AGBL1: variants seen among roughly 807,000 people sequenced by gnomAD.
AGBL1 encodes AGBL carboxypeptidase 1.
In AGBL1, 130 loss-of-function variants were observed where a neutral mutation model predicts 118.9. The ratio of observed to expected loss-of-function variants is 1.09; its 90% CI spans 0.95 to 1.26. AGBL1 has a LOEUF of 1.26. AGBL1 is among the 50% of genes most tolerant of loss of function. The pLI is 0.00. For synonymous variants in AGBL1, 555 were observed against 478.9 expected, an observed-to-expected ratio of 1.16 and a Z score of -2.08; for missense variants, 1,584 against 1,298.1, an observed-to-expected ratio of 1.22 and a Z score of -3.38.
At chr15:86,988,452 C>T (rs2081306021) in intron 24 of AGBL1, 1 of 165,380 alleles carries the variant, frequency 6.0e-6, no homozygotes, top group African/African-American at 2.4e-5. Context: ...TGTTTCTTTT[C>T]TTTAAAATAC....
At chr15:86,184,292 G>A (rs1320252637) in intron 5 of AGBL1, among the ~76,000 whole-genome samples, 1 of 152,136 alleles carries the variant, frequency 6.6e-6, no homozygotes, top group Non-Finnish European at 1.5e-5. Context: ...TGAGTTCATT[G>A]AGTAATTAGT....
rs184910999 is a variant in AGBL1, at chr15:86,329,521, C to G, written c.2374+34113C>G. 3.5e-4 allele frequency among the ~76,000 whole-genome samples: 53 copies of G among 152,296 alleles called. 2 individuals carry two copies. Among genetic ancestry groups the G allele is most frequent in the African/African-American group, 1.2e-3 (48 of 41,568 alleles). ...CACCTCACCCTTCCTGTGCAAAGATCCTAGTGTAGCAAAGCCCTCTCCACT... is the reference window on the plus strand; with the variant it reads ...CACCTCACCCTTCCTGTGCAAAGATGCTAGTGTAGCAAAGCCCTCTCCACT... On this transcript the variant is annotated intron_variant, in intron 17 of 22. Transcript: ENST00000614907.
intron 23 of AGBL1, among the ~76,000 whole-genome samples, chr15:86,984,236 T>C (rs2081258009): frequency 6.6e-6 from 1 of 152,218 alleles, no homozygotes; most frequent in Admixed American, 6.5e-5. Context: ...TGGACATTTC[T>C]TGAGGACTAA....
At chr15:86,801,911 A>T (rs1375524489) in intron 22 of AGBL1, among the ~76,000 whole-genome samples, 1 of 152,164 alleles carries the variant, frequency 6.6e-6, no homozygotes, top group Non-Finnish European at 1.5e-5. Context: ...GGGAGTCAGA[A>T]TCTGGTCAGT....
chr15:86,200,549 T>TCC (rs1567121519), intron 5 of AGBL1, among the ~76,000 whole-genome samples: 24 of 31,970 alleles, frequency 7.5e-4, no homozygotes, highest in Non-Finnish European at 1.2e-3. Context: ...AATAGACCCC[T>TCC]ACCCCCCCCC....
intron 22 of AGBL1, among the ~76,000 whole-genome samples, chr15:86,833,771 C>T (rs2079137373): frequency 6.6e-6 from 1 of 152,100 alleles, no homozygotes; most frequent in Non-Finnish European, 1.5e-5. Flanking sequence ...CCAGAATCAA[C>T]AAGAGTACAT....
chr15:86,391,017 T>TAA (rs985288925), intron 17 of AGBL1, among the ~76,000 whole-genome samples: 7,732 of 120,948 alleles, frequency 0.064, 471 homozygotes, highest in African/African-American at 0.17. Flanking sequence ...ACTATGGTGA[T>TAA]AAAAAAAAAA....
At chr15:86,661,405 G>C (rs747041830) in intron 21 of AGBL1, among the ~76,000 whole-genome samples, 3 of 151,924 alleles carry the variant, frequency 2.0e-5, no homozygotes, top group Non-Finnish European at 4.4e-5. Context: ...ACAGAGTCAT[G>C]TACATAGTAA....
intron 18 of AGBL1, among the ~76,000 whole-genome samples, chr15:86,520,441 T>G (rs769332892): frequency 2.0e-5 from 3 of 152,206 alleles, no homozygotes; most frequent in Admixed American, 1.3e-4. Context: ...TAGGTCTTAT[T>G]CAAATTTGGG....
chr15:86,925,442 G>T (rs1236732954), intron 23 of AGBL1, among the ~76,000 whole-genome samples: 1 of 152,112 alleles, frequency 6.6e-6, no homozygotes, highest in Non-Finnish European at 1.5e-5. Flanking sequence ...TTTCCTTCAA[G>T]AAAATATGAT....
chr15:86,641,323 C>G (rs1056527252), intron 21 of AGBL1, among the ~76,000 whole-genome samples: 1 of 151,652 alleles, frequency 6.6e-6, no homozygotes, highest in Non-Finnish European at 1.5e-5. Context: ...ATACACAAAA[C>G]AATATACAAA....
intron 18 of AGBL1, among the ~76,000 whole-genome samples, chr15:86,492,743 G>C (rs776181479): frequency 6.6e-6 from 1 of 152,112 alleles, no homozygotes; most frequent in Non-Finnish European, 1.5e-5. Flanking sequence ...TTATTTTGAG[G>C]GTAGTGTAGA....
intron 21 of AGBL1, among the ~76,000 whole-genome samples, chr15:86,610,230 A>G (rs2084638549): frequency 6.6e-6 from 1 of 152,232 alleles, no homozygotes; most frequent in South Asian, 2.1e-4. Flanking sequence ...ATATGTGGAT[A>G]GTTGAATGTC....
chr15:86,417,345 C>T (rs1185853061), intron 18 of AGBL1, among the ~76,000 whole-genome samples: 1 of 152,204 alleles, frequency 6.6e-6, no homozygotes, highest in African/African-American at 2.4e-5. Flanking sequence ...CCTTTCTCCA[C>T]AGTAAGAATC....
intron 22 of AGBL1, among the ~76,000 whole-genome samples, chr15:86,843,523 T>G (rs1347951742): frequency 2.6e-5 from 4 of 152,250 alleles, no homozygotes; most frequent in Non-Finnish European, 5.9e-5. Flanking sequence ...CCGTTTTTTT[T>G]TGTTTGTATG....
chr15:86,561,469 A>C (rs2083819187), intron 21 of AGBL1, among the ~76,000 whole-genome samples: 1 of 152,036 alleles, frequency 6.6e-6, no homozygotes, highest in African/African-American at 2.4e-5. Context: ...GTTGTAGATG[A>C]GTGGTGTTAT....
At chr15:86,296,316 C>T (rs571094023) in intron 17 of AGBL1, 2 of 152,214 alleles carry the variant, frequency 1.3e-5, no homozygotes, top group East Asian at 3.9e-4. Context: ...AGCTGGATGC[C>T]CAGCTTAATT....
chr15:86,786,975 G>C (rs1377092), intron 22 of AGBL1, among the ~76,000 whole-genome samples: 65,195 of 151,764 alleles, frequency 0.43, 16,546 homozygotes, highest in Non-Finnish European at 0.6. Context: ...ATTTACACTC[G>C]TACCAACAGT....
At chr15:86,988,103 T>C in intron 24 of AGBL1, 1 of 1,612,658 alleles carries the variant, frequency 6.2e-7, no homozygotes, top group Non-Finnish European at 8.5e-7. Flanking sequence ...GTATGTCAGT[T>C]TCCTGATTGT....
Sources: gnomAD v4.1 joint callset for allele counts (sites outside exome capture counted in the v4.1 genomes callset) on GRCh38, gnomAD v4.1.1 for gene constraint, MANE v1.5 for transcripts, NCBI Gene and HGNC (gene_info 2026-07-23, HGNC 2026-07-21) for gene names.